The following ADAMTSL1 variants were observed in gnomAD, a reference collection of about 807,000 sequenced individuals.
ADAMTSL1 encodes the protein ADAMTS-like protein 1.
Under a neutral mutation model 201.8 loss-of-function variants are expected in ADAMTSL1, and 126 were observed. The observed-to-expected ratio is 0.62, with a 90% CI of 0.54 to 0.72. ADAMTSL1 has a LOEUF of 0.72. Ranked by LOEUF, ADAMTSL1 falls within the 30% of genes least tolerant of loss-of-function variation. The pLI, the probability that ADAMTSL1 is intolerant of heterozygous loss-of-function variation, is 0.00. For missense variants in ADAMTSL1, 2,679 were observed against 2,277.8 expected (o/e 1.18, Z -3.59); for synonymous variants, 1,121 against 903.4 (o/e 1.24, Z -4.32).
intron 1 of ADAMTSL1, among the ~76,000 whole-genome samples, chr9:18,095,497 A>T (rs1333981059): frequency 1.5e-5 from 2 of 132,534 alleles, no homozygotes; most frequent in African/African-American, 5.6e-5. Flanking sequence ...ATTTTGGCTT[A>T]CTGCAACCTC....
chr9:18,852,562 T>C (rs1826563108), intron 23 of ADAMTSL1, among the ~76,000 whole-genome samples: 1 of 152,258 alleles, frequency 6.6e-6, no homozygotes, highest in African/African-American at 2.4e-5. Flanking sequence ...ATTTCCTTTC[T>C]CTATTTGTTA....
At chr9:18,439,934 T>C (rs1819923306) in intron 2 of ADAMTSL1, among the ~76,000 whole-genome samples, 1 of 152,190 alleles carries the variant, frequency 6.6e-6, no homozygotes, top group East Asian at 1.9e-4. Context: ...GCCTAAGTTT[T>C]TAATCTATAG....
chr9:18,111,851 C>T (rs1159195333), intron 1 of ADAMTSL1, among the ~76,000 whole-genome samples: 1 of 152,148 alleles, frequency 6.6e-6, no homozygotes, highest in Non-Finnish European at 1.5e-5. Context: ...ACTGGTGAGT[C>T]CACCCCATCA....
intron 4 of ADAMTSL1, among the ~76,000 whole-genome samples, chr9:18,587,517 T>C (rs1366268863): frequency 6.6e-6 from 1 of 152,192 alleles, no homozygotes; most frequent in Non-Finnish European, 1.5e-5. Context: ...TTCTAGCTAT[T>C]TGGAAATATA....
chr9:18,114,453 C>T (rs1042773764), intron 1 of ADAMTSL1, among the ~76,000 whole-genome samples: 6 of 151,962 alleles, frequency 3.9e-5, no homozygotes, highest in African/African-American at 7.3e-5. Context: ...GATATCAGAA[C>T]GGACAAGGCT....
chr9:18,285,712 C>T (rs756972847), intron 2 of ADAMTSL1, among the ~76,000 whole-genome samples: 2 of 151,620 alleles, frequency 1.3e-5, no homozygotes, highest in East Asian at 3.9e-4. Context: ...TGGTTTAATT[C>T]TTACTGTAGT....
At chr9:18,853,112 C>T (rs1298540889) in intron 23 of ADAMTSL1, among the ~76,000 whole-genome samples, 1 of 152,158 alleles carries the variant, frequency 6.6e-6, no homozygotes, top group African/African-American at 2.4e-5. Flanking sequence ...AATGCAATGA[C>T]CTCATGGCAT....
intron 2 of ADAMTSL1, among the ~76,000 whole-genome samples, chr9:18,199,781 A>C (rs559870971): frequency 5.9e-5 from 9 of 152,254 alleles, no homozygotes; most frequent in African/African-American, 1.9e-4. Flanking sequence ...TGCAAGATTT[A>C]TAAAATTCTT....
At chr9:18,158,933 T>G (rs1157521872) in intron 1 of ADAMTSL1, among the ~76,000 whole-genome samples, 1 of 152,034 alleles carries the variant, frequency 6.6e-6, no homozygotes, top group Non-Finnish European at 1.5e-5. Context: ...CTCCTAATAC[T>G]TAGCAGTGGT....
intron 2 of ADAMTSL1, among the ~76,000 whole-genome samples, chr9:18,355,763 T>G (rs985684574): frequency 2.0e-5 from 3 of 152,240 alleles, no homozygotes; most frequent in African/African-American, 7.2e-5. Flanking sequence ...TCCTAGCACT[T>G]TGGGAGGCCA....
In ADAMTSL1 at chr9:17,922,016, T is replaced by C. The variant is rs567099984; in HGVS notation, c.87+15094T>C. 3.3e-5 allele frequency among the ~76,000 whole-genome samples: 5 copies of C among 151,414 alleles called. No individual in the cohort carries two copies. The South Asian group carries it at 8.3e-4, about 25-fold the overall frequency. ...GAGAGAACATAGAGTTAACATGATA[T>C]AAAGATCTGGCCTTGAAATATCATG... On this transcript the variant is annotated intron_variant, in intron 1 of 29. Transcript: ENST00000680146.
At chr9:18,396,545 ATAAT>A (rs1817760909) in intron 2 of ADAMTSL1, among the ~76,000 whole-genome samples, 1 of 148,118 alleles carries the variant, frequency 6.8e-6, no homozygotes, top group Admixed American at 6.8e-5. Context: ...ATCAAGTAAT[ATAAT>A]TAAAATTAAT....
intron 12 of ADAMTSL1, among the ~76,000 whole-genome samples, chr9:18,684,354 T>C (rs1830696367): frequency 6.6e-6 from 1 of 152,230 alleles, no homozygotes; most frequent in African/African-American, 2.4e-5. Context: ...GACTGTACTT[T>C]GTTTTCCAAG....
intron 2 of ADAMTSL1, among the ~76,000 whole-genome samples, chr9:18,428,638 A>G (rs1819343076): frequency 6.6e-6 from 1 of 152,076 alleles, no homozygotes; most frequent in African/African-American, 2.4e-5. Context: ...CAAGAAAAAC[A>G]CAATTGGAAC....
chr9:18,834,127 T>G (rs1825168993), intron 23 of ADAMTSL1, among the ~76,000 whole-genome samples: 1 of 152,222 alleles, frequency 6.6e-6, no homozygotes, highest in Non-Finnish European at 1.5e-5. Context: ...GCGTGATGCC[T>G]CCAGCTTTGT....
chr9:18,084,955 G>A (rs967812411), intron 1 of ADAMTSL1, among the ~76,000 whole-genome samples: 1 of 152,178 alleles, frequency 6.6e-6, no homozygotes, highest in Non-Finnish European at 1.5e-5. Context: ...GTTTTAAATA[G>A]GGAAGTTAGG....
chr9:18,195,412 G>C (rs1332394231), intron 2 of ADAMTSL1, among the ~76,000 whole-genome samples: 1 of 152,090 alleles, frequency 6.6e-6, no homozygotes, highest in African/African-American at 2.4e-5. Context: ...CATCCTAAAA[G>C]ACAGGTTATT....
intron 1 of ADAMTSL1, among the ~76,000 whole-genome samples, chr9:18,079,811 A>C (rs530902398): frequency 6.6e-6 from 1 of 152,248 alleles, no homozygotes; most frequent in South Asian, 2.1e-4. Context: ...TTTTCTGGCA[A>C]GTCTTACAGG....
chr9:18,845,710 C>T (rs548770315), intron 23 of ADAMTSL1, among the ~76,000 whole-genome samples: 75 of 152,312 alleles, frequency 4.9e-4, no homozygotes, highest in Non-Finnish European at 8.5e-4. Flanking sequence ...CTGCTAAGAG[C>T]GGCAAGGCTC....
Sources: allele counts gnomAD v4.1 joint callset (sites outside exome capture counted in the v4.1 genomes callset), GRCh38; gene constraint gnomAD v4.1.1; transcripts MANE v1.5; gene names NCBI Gene and HGNC (gene_info 2026-07-23, HGNC 2026-07-21).